PPP1R3A: variants seen among roughly 807,000 people sequenced by gnomAD.
PPP1R3A encodes the protein RG1.
In PPP1R3A, 29 loss-of-function variants were observed where a neutral mutation model predicts 41.7. That is an observed-to-expected ratio of 0.70 (90% CI 0.52 to 0.95). The LOEUF (loss-of-function observed/expected upper bound fraction) is 0.95. Among genes scored for constraint, PPP1R3A ranks in the 40% least tolerant of loss-of-function variants. The pLI is 0.00. For synonymous variants in PPP1R3A, 485 were observed against 453.4 expected (o/e 1.07, Z -0.89); for missense variants, 1,352 against 1,292.4 (o/e 1.05, Z -0.71).
chr7:113,885,711 A>C (rs994022323), intron 1 of PPP1R3A, among the ~76,000 whole-genome samples: 4 of 151,614 alleles, frequency 2.6e-5, no homozygotes, highest in Non-Finnish European at 5.9e-5. Context: ...TAGCAATATA[A>C]TATTAAATGA....
chr7:113,879,419 C>T lies in PPP1R3A; in HGVS notation c.1673G>A (p.Ser558Asn), dbSNP rs1796641445. ...CAGCAGAGTAGCCAGGTCTCTGTTA[C>T]TAGCTCCAATCCCTGCCACACTTAT... is the stretch of plus-strand genomic sequence containing the variant. ...PKISVAGIGA[S>N]NRDLATLLSE... Residue 558 changes from serine (S) to asparagine (N), a missense_variant, in exon 4 of 4, where the codon AGT becomes AAT. Transcript: ENST00000284601. The T allele has an allele frequency of 6.2e-7, 1 of 1,613,438 alleles. No individual in the cohort carries two copies. The highest frequency in any genetic ancestry group is 1.3e-5 in the African/African-American group (1 of 74,876).
At chr7:113,893,702 T>A (rs1219619029) in intron 1 of PPP1R3A, among the ~76,000 whole-genome samples, 1 of 151,584 alleles carries the variant, frequency 6.6e-6, no homozygotes, top group African/African-American at 2.4e-5. Context: ...GTGACCAGAT[T>A]GTTTCATTGA....
intron 1 of PPP1R3A, among the ~76,000 whole-genome samples, chr7:113,894,873 G>GT (rs1796952143): frequency 6.6e-6 from 1 of 151,976 alleles, no homozygotes; most frequent in African/African-American, 2.4e-5. Context: ...GAAAACTGTT[G>GT]TTAAGAAAAG....
chr7:113,914,790 AG>A lies in PPP1R3A; in HGVS notation c.782+3424del, dbSNP rs1797312640. 1.3e-5 allele frequency among the ~76,000 whole-genome samples: 2 copies of A among 152,150 alleles called. 1 individual carries two copies. The highest frequency in any genetic ancestry group is 1.3e-4 in the Admixed American group (2 of 15,248). On this transcript the variant is annotated intron_variant, in intron 1 of 3. Coordinates refer to ENST00000284601, the MANE Select transcript of PPP1R3A (RefSeq NM_002711.4). ...TGTAGTTGTTCTCAATTAACATACCAGAAAAACAAGCTTAACTTGCCCAAGT... is the reference window on the plus strand; with the variant it reads ...TGTAGTTGTTCTCAATTAACATACCAAAAAACAAGCTTAACTTGCCCAAGT...
At chr7:113,894,503 A>G (rs1796947154) in intron 1 of PPP1R3A, among the ~76,000 whole-genome samples, 1 of 151,874 alleles carries the variant, frequency 6.6e-6, no homozygotes, top group Non-Finnish European at 1.5e-5. Context: ...TCCAGCTGAG[A>G]GTCTTGCCAC....
Position 113,882,087 on chromosome 7 carries a change from A to T in PPP1R3A, c.918T>A (p.Asp306Glu). Residue 306 changes from aspartate to glutamate, a missense_variant, in exon 3 of 4, where the codon GAT (aspartate) becomes GAA (glutamate). By Grantham distance (45) the Asp-to-Glu change is conservative (BLOSUM62 2). Coordinates refer to ENST00000284601, the MANE Select transcript of PPP1R3A (RefSeq NM_002711.4). ...TATGTTCATCATGTTCCCTGTTTAC[A>T]TCTTTTACATTTCGATTACTGGCTT... ...DLEASNRNVK[D>E]VNREHDEHNE... The T allele has an allele frequency of 1.9e-6, 3 of 1,612,590 alleles. No homozygotes were observed. The highest frequency in any genetic ancestry group is 2.5e-6 in the Non-Finnish European group (3 of 1,178,976).
At chr7:113,884,936 G>A (rs1461220309) in intron 1 of PPP1R3A, among the ~76,000 whole-genome samples, 3 of 152,018 alleles carry the variant, frequency 2.0e-5, no homozygotes, top group African/African-American at 4.8e-5. Context: ...GGGACGGTCA[G>A]CATTATTAGA....
intron 1 of PPP1R3A, among the ~76,000 whole-genome samples, chr7:113,917,491 T>C (rs184540516): frequency 6.6e-6 from 1 of 152,190 alleles, no homozygotes; most frequent in Non-Finnish European, 1.5e-5. Flanking sequence ...ACATCCCAAA[T>C]CTCTAATCTA....
intron 1 of PPP1R3A, among the ~76,000 whole-genome samples, chr7:113,883,519 A>G (rs1285897934): frequency 1.3e-5 from 2 of 152,012 alleles, no homozygotes; most frequent in African/African-American, 4.8e-5. Flanking sequence ...GTGGGCCCAC[A>G]TATAGAAAAT....
Position 113,879,997 on chromosome 7 carries a change from T to C in PPP1R3A, c.1095A>G (p.Ile365Met), listed in dbSNP as rs1204121098. The C allele has an allele frequency of 1.2e-6, 2 of 1,612,772 alleles. No homozygotes were observed. Among genetic ancestry groups the C allele is most frequent in the East Asian group, 2.2e-5 (1 of 44,814 alleles). Residue 365 changes from isoleucine (I) to methionine (M), a missense_variant, in exon 4 of 4, where the codon ATA (isoleucine) becomes ATG (methionine). Coordinates refer to ENST00000284601, the MANE Select transcript of PPP1R3A (RefSeq NM_002711.4). ...GLEKKQIHGEICTDLFQRSLS... is the reference protein window; with the variant it reads ...GLEKKQIHGEMCTDLFQRSLS... ...GAGACCTTTGGAACAAGTCAGTACA[T>C]ATTTCACCATGGATTTGCTTCTTCT...
At chr7:113,906,075 T>C (rs1797140526) in intron 1 of PPP1R3A, among the ~76,000 whole-genome samples, 4 of 151,810 alleles carry the variant, frequency 2.6e-5, no homozygotes, top group African/African-American at 9.7e-5. Context: ...AAGAAGGTGT[T>C]GAACAATTAG....
intron 1 of PPP1R3A, among the ~76,000 whole-genome samples, chr7:113,899,405 G>A (rs904938538): frequency 6.6e-6 from 1 of 151,720 alleles, no homozygotes; most frequent in Non-Finnish European, 1.5e-5. Context: ...TCATCACTGA[G>A]GGAGCAAAGT....
At chr7:113,903,190 A>C (rs1658425658) in intron 1 of PPP1R3A, among the ~76,000 whole-genome samples, 1 of 151,802 alleles carries the variant, frequency 6.6e-6, no homozygotes, top group African/African-American at 2.4e-5. Flanking sequence ...GTAAAAGTGT[A>C]AACTTTAGAT....
At chr7:113,892,018 T>A (rs1796899593) in intron 1 of PPP1R3A, among the ~76,000 whole-genome samples, 1 of 152,060 alleles carries the variant, frequency 6.6e-6, no homozygotes, top group African/African-American at 2.4e-5. Context: ...AATATTGTAT[T>A]TGTGTCTCCT....
chr7:113,906,147 G>A (rs962354239), intron 1 of PPP1R3A, among the ~76,000 whole-genome samples: 2 of 151,660 alleles, frequency 1.3e-5, no homozygotes, highest in African/African-American at 2.4e-5. Flanking sequence ...CTTTGTAACT[G>A]AAAGAAACCA....
rs758806181 is a variant in PPP1R3A, at chr7:113,879,847, G to T, written c.1245C>A (p.Ile415=). 1 of 1,613,486 alleles carries T rather than the reference G, an allele frequency of 6.2e-7. No homozygotes were observed. Among genetic ancestry groups the T allele is most frequent in the East Asian group, 2.2e-5 (1 of 44,820 alleles). Residue 415 remains isoleucine, a synonymous_variant, in exon 4 of 4, where the codon ATC becomes ATA. Transcript: ENST00000284601. ...TACTAGTATCTCCCAATGATGGCTT[G>T]ATTTCTCCCATATTTGAAGTAGTTT... is the stretch of plus-strand genomic sequence containing the variant. The part of the protein sequence containing the change: ...SEETTSNMGE[I]KPSLGDTSSD...
Position 113,877,923 on chromosome 7 carries a change from C to T in PPP1R3A, c.3169G>A (p.Glu1057Lys). Residue 1057 changes from glutamate (E) to lysine (K), a missense_variant, in exon 4 of 4, where the codon GAG becomes AAG. Physicochemically the swap from Glu to Lys is moderately conservative, Grantham distance 56. Coordinates refer to ENST00000284601, the MANE Select transcript of PPP1R3A (RefSeq NM_002711.4). Reference protein sequence around the residue: ...DSSASTSLPVEESQAQGNESL... With the variant: ...DSSASTSLPVKESQAQGNESL... ...TCGTTGCCTTGAGCTTGACTTTCCT[C>T]AACAGGAAGACTAGTAGAAGCAGAG... 6.2e-7 allele frequency: 1 copy of T among 1,613,376 alleles called. No homozygotes were observed. Among genetic ancestry groups the T allele is most frequent in the Non-Finnish European group, 8.5e-7 (1 of 1,179,580 alleles).
chr7:113,906,709 T>C (rs1797154004), intron 1 of PPP1R3A, among the ~76,000 whole-genome samples: 1 of 151,830 alleles, frequency 6.6e-6, no homozygotes, highest in Non-Finnish European at 1.5e-5. Context: ...GCCTCAGAGT[T>C]ATCTATGAGA....
At chr7:113,917,155 T>C (rs1433966429) in intron 1 of PPP1R3A, among the ~76,000 whole-genome samples, 3 of 152,060 alleles carry the variant, frequency 2.0e-5, no homozygotes, top group Non-Finnish European at 4.4e-5. Context: ...CTGGGTGTCT[T>C]GATTCCAAAA....
Sources: allele counts gnomAD v4.1 joint callset (sites outside exome capture counted in the v4.1 genomes callset), GRCh38; gene constraint gnomAD v4.1.1; transcripts MANE v1.5; gene names NCBI Gene and HGNC (gene_info 2026-07-23, HGNC 2026-07-21).